Variants in PLCB4 observed in about 807,000 individuals in gnomAD.
PLCB4 encodes 1-phosphatidylinositol 4,5-bisphosphate phosphodiesterase beta-4.
In PLCB4, 77 loss-of-function variants were observed where a neutral mutation model predicts 178.8. That is an observed-to-expected ratio of 0.43 (90% CI 0.36 to 0.52). The LOEUF (loss-of-function observed/expected upper bound fraction) is 0.52, where lower values mean the gene tolerates loss of function less well. Among genes scored for constraint, PLCB4 ranks in the 20% least tolerant of loss-of-function variants. PLCB4 has a pLI of 0.00. For synonymous variants in PLCB4, 496 were observed against 490.8 expected, an observed-to-expected ratio of 1.01 and a Z score of -0.14; for missense variants, 1,024 against 1,453.4, an observed-to-expected ratio of 0.70 and a Z score of 4.80.
chr20:9,072,856 G>A (rs919230739), intron 1 of PLCB4, among the ~76,000 whole-genome samples: 9 of 152,126 alleles, frequency 5.9e-5, no homozygotes, highest in African/African-American at 1.9e-4. Context: ...CATGCACTTC[G>A]TCTACTTTTC....
intron 32 of PLCB4, among the ~76,000 whole-genome samples, chr20:9,445,943 C>G (rs915192758): frequency 6.6e-6 from 1 of 152,230 alleles, no homozygotes; most frequent in East Asian, 1.9e-4. Flanking sequence ...TGAGCAGACA[C>G]CTCAGTGGCC....
Position 9,480,111 on chromosome 20 carries a change from A to G in PLCB4, c.*1102A>G, listed in dbSNP as rs1691587261. The G allele has an allele frequency of 6.6e-6, 1 of 152,644 alleles. No individual in the cohort carries two copies. Among genetic ancestry groups the G allele is most frequent in the Non-Finnish European group, 1.5e-5 (1 of 68,030 alleles). 9.5% of individuals were successfully genotyped at this position (152,644 alleles called of 1,614,324 possible). On this transcript the variant is annotated 3_prime_UTR_variant, in exon 40 of 40. Transcript: ENST00000378473. The stretch of plus-strand genomic sequence containing the variant: ...AATTTAATTTTACACAAAAATATTT[A>G]TGCAGATTTTCAGAATTTCATATCA...
intron 4 of PLCB4, among the ~76,000 whole-genome samples, chr20:9,315,416 A>T (rs2094887930): frequency 6.6e-6 from 1 of 152,212 alleles, no homozygotes; most frequent in African/African-American, 2.4e-5. Flanking sequence ...GTCCTTTGGG[A>T]GTGTATGGTC....
chr20:9,185,026 C>A (rs954109659), intron 2 of PLCB4, among the ~76,000 whole-genome samples: 9 of 152,198 alleles, frequency 5.9e-5, no homozygotes, highest in African/African-American at 2.2e-4. Flanking sequence ...GGGCTCAAGC[C>A]ATCCTTCTGC....
At chr20:9,301,395 G>A (rs1440945599) in intron 3 of PLCB4, among the ~76,000 whole-genome samples, 2 of 151,948 alleles carry the variant, frequency 1.3e-5, no homozygotes, top group Non-Finnish European at 2.9e-5. Flanking sequence ...CCTTGTGAAA[G>A]TATTGACCTA....
intron 2 of PLCB4, among the ~76,000 whole-genome samples, chr20:9,151,332 C>G (rs576746275): frequency 3.3e-5 from 5 of 152,150 alleles, no homozygotes; most frequent in African/African-American, 1.2e-4. Context: ...GAACCATTCC[C>G]TTACAGATAC....
chr20:9,342,301 C>A (rs2033301155), intron 7 of PLCB4, among the ~76,000 whole-genome samples: 1 of 152,004 alleles, frequency 6.6e-6, no homozygotes. Context: ...ATACATAAAT[C>A]AAATTGGGCC....
chr20:9,121,287 T>G (rs1455181038), intron 2 of PLCB4, among the ~76,000 whole-genome samples: 3 of 152,148 alleles, frequency 2.0e-5, no homozygotes, highest in African/African-American at 4.8e-5. Flanking sequence ...TTTTTTTAAC[T>G]AGTTTTTTTG....
In PLCB4 at chr20:9,380,039, A is replaced by C; in HGVS notation, c.745-15A>C. On this transcript the variant is annotated splice_polypyrimidine_tract_variant and intron_variant, in intron 12 of 39. Transcript: ENST00000378473. The stretch of plus-strand genomic sequence containing the variant: ...AAGAAATATCAACCTAAATGGAGTT[A>C]TTTTCTTATCATAGCATCAACGAGA... 1 of 1,403,620 alleles carries C rather than the reference A, an allele frequency of 7.1e-7. No individual in the cohort carries two copies. The highest frequency in any genetic ancestry group is 2.3e-5 in the East Asian group (1 of 43,700). The allele number at this position is 1,403,620 out of a possible 1,614,324, so 86.9% of individuals were successfully genotyped here.
chr20:9,408,962 C>A, intron 23 of PLCB4, 95 bp from the exon 24 acceptor site: 1 of 1,097,944 alleles, frequency 9.1e-7, no homozygotes, highest in Non-Finnish European at 1.3e-6. Flanking sequence ...ACTTGTTTGT[C>A]ATTGTTGGCC....
chr20:9,365,913 T>C (rs192839755), intron 9 of PLCB4, among the ~76,000 whole-genome samples: 38 of 152,294 alleles, frequency 2.5e-4, no homozygotes, highest in African/African-American at 8.2e-4. Context: ...TTGAGAAGTG[T>C]GATGCCTCTG....
intron 32 of PLCB4, among the ~76,000 whole-genome samples, chr20:9,450,487 T>A (rs1184652732): frequency 6.6e-6 from 1 of 152,112 alleles, no homozygotes; most frequent in Non-Finnish European, 1.5e-5. Flanking sequence ...CAGAGACAAT[T>A]TTTCAGGACC....
chr20:9,212,965 T>C (rs1362924172), intron 2 of PLCB4, among the ~76,000 whole-genome samples: 2 of 152,020 alleles, frequency 1.3e-5, no homozygotes, highest in Non-Finnish European at 2.9e-5. Flanking sequence ...AATCTAACCT[T>C]TGAATCTTCA....
chr20:9,167,217 C>T (rs2147013640), intron 2 of PLCB4, among the ~76,000 whole-genome samples: 1 of 152,006 alleles, frequency 6.6e-6, no homozygotes, highest in South Asian at 2.1e-4. Flanking sequence ...TATGTACCTT[C>T]TGCTCAGTTT....
At chr20:9,110,071 T>C (rs2091519136) in intron 2 of PLCB4, among the ~76,000 whole-genome samples, 1 of 152,136 alleles carries the variant, frequency 6.6e-6, no homozygotes, top group Non-Finnish European at 1.5e-5. Flanking sequence ...AAGCAATGGG[T>C]ATTTTACTAA....
At chr20:9,346,054 T>A (rs942302564) in intron 7 of PLCB4, among the ~76,000 whole-genome samples, 1 of 152,328 alleles carries the variant, frequency 6.6e-6, no homozygotes, top group African/African-American at 2.4e-5. Flanking sequence ...GTTCCTCTAC[T>A]GATATTTAAC....
chr20:9,134,588 T>C (rs1189825849), intron 2 of PLCB4, among the ~76,000 whole-genome samples: 1 of 152,108 alleles, frequency 6.6e-6, no homozygotes, highest in Non-Finnish European at 1.5e-5. Context: ...AGACACAAAA[T>C]TAGAACTTTC....
At chr20:9,127,233 G>C (rs973382870) in intron 2 of PLCB4, among the ~76,000 whole-genome samples, 1 of 152,144 alleles carries the variant, frequency 6.6e-6, no homozygotes, top group Non-Finnish European at 1.5e-5. Context: ...CCAGGCAGCA[G>C]GTCCGGGAGC....
At chr20:9,436,002 C>G (rs2041744430) in intron 29 of PLCB4, among the ~76,000 whole-genome samples, 1 of 152,166 alleles carries the variant, frequency 6.6e-6, no homozygotes, top group African/African-American at 2.4e-5. Context: ...AAATTCAAAA[C>G]CTTTTGAGTG....
Sources: allele counts gnomAD v4.1 joint callset (sites outside exome capture counted in the v4.1 genomes callset), GRCh38; gene constraint gnomAD v4.1.1; transcripts MANE v1.5; gene names NCBI Gene and HGNC (gene_info 2026-07-23, HGNC 2026-07-21).